Variants in MSH4 observed in about 807,000 individuals in gnomAD.
MSH4 encodes mutS protein homolog 4.
A neutral mutation model predicts 113.7 loss-of-function variants in MSH4; 106 were observed. The ratio of observed to expected loss-of-function variants is 0.93; its 90% CI spans 0.80 to 1.10. The LOEUF (loss-of-function observed/expected upper bound fraction) is 1.10. MSH4 is among the 50% of genes least tolerant of loss of function. MSH4 has a pLI of 0.00. For synonymous variants in MSH4, 368 were observed against 380.2 expected (o/e 0.97, Z 0.37); for missense variants, 1,061 against 1,093.7 (o/e 0.97, Z 0.42).
intron 14 of MSH4, among the ~76,000 whole-genome samples, chr1:75,882,794 G>T (rs1248202876): frequency 6.6e-6 from 1 of 151,770 alleles, no homozygotes; most frequent in African/African-American, 2.4e-5. Context: ...AATAAGCTAT[G>T]ATTTTGCCAC....
chr1:75,831,365 C>T (rs1249543665), intron 7 of MSH4, among the ~76,000 whole-genome samples: 1 of 151,934 alleles, frequency 6.6e-6, no homozygotes, highest in Non-Finnish European at 1.5e-5. Context: ...CCACTGTCAA[C>T]ATTAGACAGA....
chr1:75,832,868 C>T (rs1207931847), intron 7 of MSH4, among the ~76,000 whole-genome samples: 1 of 152,086 alleles, frequency 6.6e-6, no homozygotes, highest in Non-Finnish European at 1.5e-5. Context: ...CCCTTGAAAC[C>T]TGGCACAAGA....
rs980919765 is a variant in MSH4 at position 75,806,867 on chromosome 1, A to G, written c.428-114A>G. ...GAGAATTGAAATAAGAGGCTAACTG[A>G]TATCTACAGATTGCATTATTTTGTC... On this transcript the variant is annotated intron_variant, in intron 2 of 19. Transcript: ENST00000263187. 3.4e-6 allele frequency: 3 copies of G among 869,984 alleles called. No individual in the cohort carries two copies. The African/African-American group carries it at 5.4e-5, about 16-fold the overall frequency. The allele number at this position is 869,984 out of a possible 1,614,324, so 53.9% of individuals were successfully genotyped here.
At chr1:75,807,600 T>A (rs2100506703) in intron 3 of MSH4, among the ~76,000 whole-genome samples, 1 of 152,314 alleles carries the variant, frequency 6.6e-6, no homozygotes, top group South Asian at 2.1e-4. Context: ...GATAGTTGCA[T>A]CATGTTAGAT....
chr1:75,859,152 C>T (rs958598756), intron 8 of MSH4, among the ~76,000 whole-genome samples: 1 of 152,116 alleles, frequency 6.6e-6, no homozygotes, highest in Non-Finnish European at 1.5e-5. Flanking sequence ...ATTCTTCTCT[C>T]TTTTATTCTT....
chr1:75,807,346 A>T (rs1177037636), intron 3 of MSH4, among the ~76,000 whole-genome samples: 1 of 152,156 alleles, frequency 6.6e-6, no homozygotes, highest in Non-Finnish European at 1.5e-5. Flanking sequence ...AGTGTGTTTT[A>T]CTGTTATTTA....
chr1:75,883,682 A>G lies in MSH4; in HGVS notation c.1968A>G (p.Lys656=). 1 of 1,613,448 alleles carries G rather than the reference A, an allele frequency of 6.2e-7. No homozygotes were observed. Among genetic ancestry groups the G allele is most frequent in the African/African-American group, 1.3e-5 (1 of 74,998 alleles). Residue 656 remains lysine, a synonymous_variant, in exon 15 of 20, where the codon AAA becomes AAG. Transcript: ENST00000263187. ...AGGGATGGCATCCTATTCTTGAAAA[A>G]ATATCTGCGGAAAAACCTATTGCCA... ...IKQGWHPILE[K]ISAEKPIANN...
At chr1:75,812,537 C>CA (rs1351841047) in intron 4 of MSH4, among the ~76,000 whole-genome samples, 1 of 151,974 alleles carries the variant, frequency 6.6e-6, no homozygotes, top group African/African-American at 2.4e-5. Context: ...ACTAAAAATA[C>CA]AAAAAAATTA....
intron 8 of MSH4, among the ~76,000 whole-genome samples, chr1:75,859,758 C>G (rs1329819200): frequency 3.9e-5 from 6 of 152,164 alleles, no homozygotes; most frequent in Admixed American, 2.0e-4. Flanking sequence ...GTGGAGAGTT[C>G]TGTAGATTTC....
At position 75,883,734 on chromosome 1, in the gene MSH4, A is replaced by C; in HGVS notation, c.2020A>C (p.Asn674His). 1.9e-6 allele frequency: 3 copies of C among 1,613,414 alleles called. No individual in the cohort carries two copies. Among genetic ancestry groups the C allele is most frequent in the Non-Finnish European group, 2.5e-6 (3 of 1,179,612 alleles). Residue 674 changes from asparagine to histidine, a missense_variant, in exon 15 of 20, where the codon AAT becomes CAT. By Grantham distance (68) the Asn-to-His change is moderately conservative. Transcript: ENST00000263187. ...ANNTYVTEGS[N>H]FLIITGPNMS... is the part of the protein sequence containing the mutation. ...CAATACCTATGTTACAGAAGGGAGT[A>C]ATTTTTTGATCATAACTGGACCAAA...
chr1:75,799,859 G>C (rs912904743), intron 1 of MSH4, among the ~76,000 whole-genome samples: 30 of 152,278 alleles, frequency 2.0e-4, no homozygotes, highest in African/African-American at 7.2e-4. Flanking sequence ...GAGGGAAGAT[G>C]ATGAGCTCTG....
chr1:75,882,666 A>AAAG (rs1553137880), intron 14 of MSH4, among the ~76,000 whole-genome samples: 2 of 21,540 alleles, frequency 9.3e-5, no homozygotes, highest in Non-Finnish European at 2.6e-4. Context: ...TCATTTCTAA[A>AAAG]AAAAAAAAAA....
At chr1:75,802,967 A>G (rs558617319) in intron 1 of MSH4, among the ~76,000 whole-genome samples, 2 of 152,264 alleles carry the variant, frequency 1.3e-5, no homozygotes, top group East Asian at 3.9e-4. Flanking sequence ...TAAAACCACC[A>G]GTCCTACTCT....
intron 8 of MSH4, among the ~76,000 whole-genome samples, chr1:75,856,315 T>G (rs1011098640): frequency 6.6e-6 from 1 of 152,072 alleles, no homozygotes; most frequent in Non-Finnish European, 1.5e-5. Flanking sequence ...ATATTTTAGG[T>G]TCTGGGTTAC....
At chr1:75,874,592 G>A (rs565086326) in intron 9 of MSH4, among the ~76,000 whole-genome samples, 71 of 152,152 alleles carry the variant, frequency 4.7e-4, no homozygotes, top group Non-Finnish European at 8.5e-4. Flanking sequence ...GAGTCACTGG[G>A]ATTACAGGTG....
intron 7 of MSH4, among the ~76,000 whole-genome samples, chr1:75,831,323 C>T (rs1650684253): frequency 6.6e-6 from 1 of 152,110 alleles, no homozygotes; most frequent in African/African-American, 2.4e-5. Flanking sequence ...GACTTAGACT[C>T]CCACACAATA....
intron 19 of MSH4, among the ~76,000 whole-genome samples, chr1:75,900,922 C>G (rs1040957617): frequency 2.0e-5 from 3 of 152,068 alleles, no homozygotes; most frequent in African/African-American, 7.2e-5. Flanking sequence ...CTTTGATTCT[C>G]CTAATGAAGT....
intron 16 of MSH4, 121 bp from the exon 17 acceptor site, chr1:75,890,575 G>C (rs968213860): frequency 7.8e-6 from 4 of 510,534 alleles, no homozygotes; most frequent in Admixed American, 7.7e-5. Context: ...TGCTCAGCAG[G>C]ATGTCTCTAA....
At chr1:75,870,653 A>G (rs1302347879) in intron 9 of MSH4, among the ~76,000 whole-genome samples, 1 of 152,102 alleles carries the variant, frequency 6.6e-6, no homozygotes, top group Non-Finnish European at 1.5e-5. Context: ...GTAAAACATG[A>G]CTTTGCTCCT....
Sources: allele counts gnomAD v4.1 joint callset (sites outside exome capture counted in the v4.1 genomes callset), GRCh38; gene constraint gnomAD v4.1.1; transcripts MANE v1.5; gene names NCBI Gene and HGNC (gene_info 2026-07-23, HGNC 2026-07-21).